Variants in CWC27 observed in about 807,000 individuals in gnomAD.
CWC27 encodes the protein CWC27 spliceosome associated cyclophilin, also known as spliceosome-associated protein CWC27 homolog.
In CWC27, 47 loss-of-function variants were observed where a neutral mutation model predicts 63.6. The observed-to-expected ratio is 0.74, with a 90% CI of 0.58 to 0.94. The LOEUF is 0.94. Ranked by LOEUF, CWC27 falls within the 40% of genes least tolerant of loss-of-function variation. The probability of loss-of-function intolerance (pLI) is 0.00; values close to 1 mark genes in which losing one functional copy is unlikely to be tolerated. For synonymous variants in CWC27, 175 were observed against 179.8 expected (o/e 0.97, Z 0.22); for missense variants, 495 against 554.3 (o/e 0.89, Z 1.07).
At chr5:64,856,813 AT>A (rs956915943) in intron 10 of CWC27, among the ~76,000 whole-genome samples, 1 of 152,120 alleles carries the variant, frequency 6.6e-6, no homozygotes, top group Non-Finnish European at 1.5e-5. Context: ...AATAAATTCC[AT>A]TTTTTTATAA....
chr5:64,923,265 G>A (rs1414864593), intron 11 of CWC27, among the ~76,000 whole-genome samples: 1 of 152,130 alleles, frequency 6.6e-6, no homozygotes, highest in Non-Finnish European at 1.5e-5. Context: ...AGGCTGTGCT[G>A]CATTCAGACA....
intron 11 of CWC27, among the ~76,000 whole-genome samples, chr5:64,941,468 T>TACATATTTATTACAGAA (rs1316314935): frequency 6.6e-6 from 1 of 152,140 alleles, no homozygotes; most frequent in Non-Finnish European, 1.5e-5. Context: ...AAAATTTATC[T>TACATATTTATTACAGAA]ACATATTTAT....
At chr5:64,810,806 TGG>T (rs1385809057) in intron 10 of CWC27, among the ~76,000 whole-genome samples, 1 of 152,076 alleles carries the variant, frequency 6.6e-6, no homozygotes, top group Non-Finnish European at 1.5e-5. Flanking sequence ...AATGTAAAAG[TGG>T]ATGATATTTT....
chr5:64,933,032 T>C (rs1031194096), intron 11 of CWC27, among the ~76,000 whole-genome samples: 3 of 152,210 alleles, frequency 2.0e-5, no homozygotes, highest in Admixed American at 2.0e-4. Context: ...TTTTTCTCCA[T>C]AATCTTGCTT....
At chr5:64,874,868 G>A (rs1561442778) in intron 10 of CWC27, among the ~76,000 whole-genome samples, 2 of 151,512 alleles carry the variant, frequency 1.3e-5, no homozygotes, top group South Asian at 4.2e-4. Context: ...CTAGTATACT[G>A]CCTTACTAGA....
At chr5:64,916,267 A>G (rs1747885916) in intron 11 of CWC27, among the ~76,000 whole-genome samples, 1 of 152,232 alleles carries the variant, frequency 6.6e-6, no homozygotes, top group Admixed American at 6.5e-5. Context: ...TTTTGGTGGC[A>G]GGTAGCATTA....
chr5:64,917,925 G>T (rs1021017979), intron 11 of CWC27, among the ~76,000 whole-genome samples: 2 of 151,702 alleles, frequency 1.3e-5, no homozygotes, highest in African/African-American at 4.8e-5. Context: ...TATATATAGA[G>T]AGAGATACAT....
At chr5:64,849,296 GA>G (rs942725677) in intron 10 of CWC27, among the ~76,000 whole-genome samples, 1 of 151,322 alleles carries the variant, frequency 6.6e-6, no homozygotes, top group Non-Finnish European at 1.5e-5. Flanking sequence ...CCTGTACACT[GA>G]AAACTGTAAA....
intron 11 of CWC27, among the ~76,000 whole-genome samples, chr5:64,917,467 C>T (rs10940014): frequency 0.11 from 16,924 of 152,102 alleles, 2,931 homozygotes; most frequent in African/African-American, 0.37. Flanking sequence ...TTGGTTAATT[C>T]TATATGTCAG....
At chr5:64,930,422 A>G (rs974379693) in intron 11 of CWC27, among the ~76,000 whole-genome samples, 4 of 152,182 alleles carry the variant, frequency 2.6e-5, no homozygotes, top group Middle Eastern at 3.2e-3. Context: ...AAAAACAATC[A>G]TTGAAACCAA....
chr5:64,808,798 CCT>C lies in CWC27; in HGVS notation c.938+4413_938+4414del, dbSNP rs1467028529. 1.1e-4 allele frequency among the ~76,000 whole-genome samples: 17 copies of C among 152,246 alleles called. No homozygotes were observed. The East Asian group carries it at 2.7e-3, about 24-fold the overall frequency. Reference sequence around the variant, plus strand: ...TTCCATTATAGGAGTGGTTTTCACTCCTAACCGCACATTAGGCTCACGGAGGA... The same window carrying C: ...TTCCATTATAGGAGTGGTTTTCACTCAACCGCACATTAGGCTCACGGAGGA... On this transcript the variant is annotated intron_variant, in intron 10 of 13. Transcript: ENST00000381070.
intron 10 of CWC27, among the ~76,000 whole-genome samples, chr5:64,863,045 C>T (rs1746450092): frequency 6.6e-6 from 1 of 152,174 alleles, no homozygotes; most frequent in African/African-American, 2.4e-5. Context: ...TAAGTTTCAA[C>T]ATATGAATAT....
At chr5:64,989,384 A>C (rs575832174) in intron 13 of CWC27, among the ~76,000 whole-genome samples, 49 of 152,242 alleles carry the variant, frequency 3.2e-4, no homozygotes, top group Non-Finnish European at 5.7e-4. Flanking sequence ...TTTAAAAAAC[A>C]AACATTTAGA....
At chr5:64,839,849 T>G (rs1249056445) in intron 10 of CWC27, among the ~76,000 whole-genome samples, 1 of 151,602 alleles carries the variant, frequency 6.6e-6, no homozygotes, top group Non-Finnish European at 1.5e-5. Context: ...AAGTTGGTTG[T>G]GAAAAAAGAA....
chr5:64,872,291 T>C (rs529869711), intron 10 of CWC27, among the ~76,000 whole-genome samples: 1 of 152,294 alleles, frequency 6.6e-6, no homozygotes, highest in Admixed American at 6.5e-5. Context: ...AGATCTCTCA[T>C]GCATAACTGG....
intron 13 of CWC27, among the ~76,000 whole-genome samples, chr5:65,002,392 A>G (rs934979231): frequency 3.3e-5 from 5 of 152,002 alleles, no homozygotes; most frequent in Non-Finnish European, 4.4e-5. Flanking sequence ...CTTGAGGTGC[A>G]TAAATCGTTC....
chr5:64,836,183 C>T (rs1310566877), intron 10 of CWC27, among the ~76,000 whole-genome samples: 1 of 151,838 alleles, frequency 6.6e-6, no homozygotes, highest in African/African-American at 2.4e-5. Flanking sequence ...GAACCTTAAG[C>T]AAATAGTTTA....
chr5:64,854,956 G>A (rs896555924), intron 10 of CWC27, among the ~76,000 whole-genome samples: 3 of 151,412 alleles, frequency 2.0e-5, no homozygotes, highest in East Asian at 1.9e-4. Flanking sequence ...AAGATTTATC[G>A]TCAAAAAAAA....
intron 13 of CWC27, among the ~76,000 whole-genome samples, chr5:64,989,443 G>T (rs1352850257): frequency 1.3e-5 from 2 of 152,176 alleles, no homozygotes; most frequent in African/African-American, 4.8e-5. Flanking sequence ...TTTAAAAAAA[G>T]ATTTCTTAAT....
Sources: gnomAD v4.1 joint callset for allele counts (sites outside exome capture counted in the v4.1 genomes callset) on GRCh38, gnomAD v4.1.1 for gene constraint, MANE v1.5 for transcripts, NCBI Gene and HGNC (gene_info 2026-07-23, HGNC 2026-07-21) for gene names.